RNF111: variants seen among roughly 807,000 people sequenced by gnomAD.
RNF111 encodes the protein E3 ubiquitin-protein ligase Arkadia.
In RNF111, 17 loss-of-function variants were observed where a neutral mutation model predicts 95.1. The ratio of observed to expected loss-of-function variants is 0.18; its 90% CI spans 0.12 to 0.27. The LOEUF is 0.27. RNF111 is among the 10% of genes least tolerant of loss of function. RNF111 has a pLI of 1.00. For missense variants in RNF111, 1,189 were observed against 1,210.4 expected, an observed-to-expected ratio of 0.98 and a Z score of 0.26; for synonymous variants, 440 against 414.8, an observed-to-expected ratio of 1.06 and a Z score of -0.74.
At chr15:59,062,749 G>C (rs528606125) in intron 5 of RNF111, among the ~76,000 whole-genome samples, 1 of 152,304 alleles carries the variant, frequency 6.6e-6, no homozygotes, top group African/African-American at 2.4e-5. Flanking sequence ...TTATATGATA[G>C]TGGAGCAAGA....
At chr15:59,053,452 A>G (rs893580292) in intron 3 of RNF111, among the ~76,000 whole-genome samples, 5 of 152,198 alleles carry the variant, frequency 3.3e-5, no homozygotes, top group African/African-American at 1.2e-4. Flanking sequence ...GCATGTTAAT[A>G]TGTTACTGAT....
chr15:59,032,908 C>G (rs1423310899), intron 2 of RNF111, among the ~76,000 whole-genome samples: 6 of 152,136 alleles, frequency 3.9e-5, no homozygotes, highest in Non-Finnish European at 8.8e-5. Flanking sequence ...CTCTCTCTCA[C>G]ACACACAGTA....
chr15:58,992,288 G>A (rs537987228), intron 1 of RNF111, among the ~76,000 whole-genome samples: 3 of 152,146 alleles, frequency 2.0e-5, no homozygotes, highest in Admixed American at 6.5e-5. Flanking sequence ...CAGGTGATTC[G>A]CCCGTCTCGG....
intron 1 of RNF111, among the ~76,000 whole-genome samples, chr15:59,018,127 G>T (rs1197559435): frequency 1.3e-5 from 2 of 152,106 alleles, no homozygotes; most frequent in Non-Finnish European, 2.9e-5. Flanking sequence ...TTTTAATGAA[G>T]AAAGATTTTG....
chr15:59,065,581 C>T (rs1417925273), intron 5 of RNF111, among the ~76,000 whole-genome samples: 1 of 152,210 alleles, frequency 6.6e-6, no homozygotes, highest in Non-Finnish European at 1.5e-5. Context: ...ATTCATTTGA[C>T]TCCATGTTTC....
chr15:59,066,960 T>C lies in RNF111; in HGVS notation c.1563T>C (p.Thr521=), dbSNP rs1223567971. 3 of 1,613,792 alleles carry C rather than the reference T, an allele frequency of 1.9e-6. No individual in the cohort carries two copies. Among genetic ancestry groups the C allele is most frequent in the African/African-American group, 1.3e-5 (1 of 74,832 alleles). The part of the protein sequence containing the change: ...HFQHHHHHHH[T]PHPAVPVSPS... ...AACATCATCACCACCACCACCATACTCCCCACCCAGCTGTCCCAGTTTCTC... is the reference window on the plus strand; with the variant it reads ...AACATCATCACCACCACCACCATACCCCCCACCCAGCTGTCCCAGTTTCTC... The change falls in exon 6 of 14, where the codon ACT becomes ACC. Residue 521 remains threonine (T), a synonymous_variant. Coordinates refer to ENST00000348370, the MANE Select transcript of RNF111 (RefSeq NM_017610.8).
chr15:59,004,182 C>T (rs1365008273), intron 1 of RNF111: 2 of 1,143,350 alleles, frequency 1.7e-6, no homozygotes, highest in African/African-American at 3.3e-5. Context: ...AAGGTCTCAA[C>T]TTTGTTTTTA....
rs1191609031 is a variant in RNF111, at chr15:59,076,330, T to G, written c.1948+115T>G. 3 of 1,213,516 alleles carry G rather than the reference T, an allele frequency of 2.5e-6. No homozygotes were observed. The African/African-American group carries it at 4.5e-5, about 18-fold the overall frequency. 75.2% of individuals were successfully genotyped at this position (1,213,516 alleles called of 1,614,324 possible). On this transcript the variant is annotated intron_variant, in intron 7 of 13. Coordinates refer to ENST00000348370, the MANE Select transcript of RNF111 (RefSeq NM_017610.8). ...TTAAATTTTTAGTATTTACTTGGCTTAAGAGTAGGGTATATTTTTTCCCAT... is the reference window on the plus strand; with the variant it reads ...TTAAATTTTTAGTATTTACTTGGCTGAAGAGTAGGGTATATTTTTTCCCAT...
intron 1 of RNF111, among the ~76,000 whole-genome samples, chr15:59,002,625 A>T (rs762494036): frequency 2.0e-5 from 3 of 152,104 alleles, no homozygotes. Flanking sequence ...AGGCTTTGCT[A>T]TCAGGTCTTA....
At chr15:59,000,251 C>T (rs2039266352) in intron 1 of RNF111, among the ~76,000 whole-genome samples, 1 of 150,522 alleles carries the variant, frequency 6.6e-6, no homozygotes, top group South Asian at 2.1e-4. Context: ...ACATTCTCTG[C>T]CTCCTGGGCT....
chr15:59,054,641 C>T (rs1375908380), intron 3 of RNF111, among the ~76,000 whole-genome samples: 1 of 72,226 alleles, frequency 1.4e-5, no homozygotes, highest in African/African-American at 4.5e-5. Flanking sequence ...TATACTCCTT[C>T]TTAAGAATTT....
chr15:59,083,396 G>C (rs1222261679), intron 8 of RNF111, among the ~76,000 whole-genome samples: 1 of 151,968 alleles, frequency 6.6e-6, no homozygotes, highest in Non-Finnish European at 1.5e-5. Flanking sequence ...AAATTAGCTG[G>C]GCGTGGTGGC....
chr15:59,017,687 T>C (rs1480829287), intron 1 of RNF111, among the ~76,000 whole-genome samples: 10 of 152,012 alleles, frequency 6.6e-5, no homozygotes, highest in Admixed American at 6.6e-4. Context: ...ATTTATTACT[T>C]GAATTATCAA....
At chr15:59,062,510 T>C (rs1033213699) in intron 5 of RNF111, among the ~76,000 whole-genome samples, 7 of 152,226 alleles carry the variant, frequency 4.6e-5, no homozygotes, top group African/African-American at 1.4e-4. Context: ...TTAACACATA[T>C]TTATTGATGG....
At chr15:59,060,593 C>T (rs1156469989) in intron 5 of RNF111, among the ~76,000 whole-genome samples, 1 of 152,060 alleles carries the variant, frequency 6.6e-6, no homozygotes, top group African/African-American at 2.4e-5. Flanking sequence ...CTCGAGGGCA[C>T]CACTACACTC....
rs370798894 is a variant in RNF111, at chr15:59,031,095, G to C, written c.273G>C (p.Val91=). ...AAGAACAAGAAAAAAGTCTCGTTGT[G>C]AGGAAAAAACGCAAAAGCCAGCAGG... ...NQQEQEKSLV[V]RKKRKSQQAG... is the part of the protein sequence containing the mutation. The change falls in exon 2 of 14, where the codon GTG becomes GTC. Residue 91 remains valine, a synonymous_variant. Transcript: ENST00000348370. 13 of 1,614,234 alleles carry C rather than the reference G, an allele frequency of 8.1e-6. No individual in the cohort carries two copies. The African/African-American group carries it at 1.3e-4, about 17-fold the overall frequency.
chr15:58,988,079 C>CA lies in RNF111; in HGVS notation c.-20+11_-20+12insA, dbSNP rs1191378453. ...TGGCTAATGATTAAGGTGAGGGGAA[C>CA]GGGGGGGGAGGGGATCCATTGGAGG... On this transcript the variant is annotated intron_variant, in intron 1 of 13. Transcript: ENST00000348370. The CA allele has an allele frequency of 3.9e-5, 3 of 76,920 alleles. No individual in the cohort carries two copies. The highest frequency in any genetic ancestry group is 7.9e-5 in the African/African-American group (2 of 25,264). 4.8% of individuals were successfully genotyped at this position (76,920 alleles called of 1,614,324 possible).
At position 59,001,891 on chromosome 15, in the gene RNF111, A is replaced by G. The variant is rs567523588; in HGVS notation, c.-20+13823A>G. Among the ~76,000 whole-genome samples, 7 of 152,360 alleles carry G rather than the reference A, an allele frequency of 4.6e-5. No individual in the cohort carries two copies. The East Asian group carries it at 1.3e-3, about 29-fold the overall frequency. On this transcript the variant is annotated intron_variant, in intron 1 of 13. Coordinates refer to ENST00000348370, the MANE Select transcript of RNF111 (RefSeq NM_017610.8). ...ATACCTATTATAAAGTTTAATTTAT[A>G]CATTGGGCAGAGTAAGACATTAATA...
intron 1 of RNF111, among the ~76,000 whole-genome samples, chr15:59,018,843 G>T (rs539275608): frequency 3.5e-4 from 53 of 152,154 alleles, no homozygotes; most frequent in African/African-American, 1.2e-3. Context: ...AATAAGAAAA[G>T]GATGAAAAAA....
Sources: gnomAD v4.1 joint callset for allele counts (sites outside exome capture counted in the v4.1 genomes callset) on GRCh38, gnomAD v4.1.1 for gene constraint, MANE v1.5 for transcripts, NCBI Gene and HGNC (gene_info 2026-07-23, HGNC 2026-07-21) for gene names.